Variants in KDM5C observed in about 807,000 individuals in gnomAD.
KDM5C encodes the protein lysine demethylase 5C, also known as lysine-specific demethylase 5C.
KDM5C carries 16 observed loss-of-function variants against 110.6 expected under a neutral mutation model. The observed-to-expected ratio is 0.14, with a 90% confidence interval of 0.10 to 0.22. KDM5C has a LOEUF of 0.22. Ranked by LOEUF, KDM5C falls within the 10% of genes least tolerant of loss-of-function variation. KDM5C has a pLI of 1.00. For synonymous variants in KDM5C, 511 were observed against 520.4 expected (o/e 0.98, Z 0.24); for missense variants, 681 against 1,300.9 (o/e 0.52, Z 7.33).
intron 17 of KDM5C, 35 bp from the exon 18 acceptor site, chrX:53,197,911 A>G (rs1035495946): frequency 1.3e-5 from 13 of 996,856 alleles, no homozygotes; most frequent in African/African-American, 3.8e-5. Context: ...TCAGGTCCAA[A>G]CTCAGTGCCT....
At chrX:53,218,496 A>G in intron 2 of KDM5C, 98 bp from the exon 3 acceptor site, 2 of 960,554 alleles carry the variant, frequency 2.1e-6, no homozygotes, top group Non-Finnish European at 3.0e-6. Context: ...ACAGCACTCC[A>G]CACTTTCACT....
chrX:53,185,221 T>C (rs1248091806), intron 25 of KDM5C, among the ~76,000 whole-genome samples: 1 of 111,981 alleles, frequency 8.9e-6, no homozygotes, highest in Admixed American at 9.5e-5. Flanking sequence ...ATTGTCTGAG[T>C]TCTGGCTAAT....
Position 53,192,869 on chromosome X carries a change from A to G in KDM5C, c.*98T>C. The G allele has an allele frequency of 1.1e-5, 2 of 179,877 alleles. No individual in the cohort carries two copies. Among genetic ancestry groups the G allele is most frequent in the Non-Finnish European group, 1.8e-5 (2 of 112,546 alleles). 14.8% of individuals were successfully genotyped at this position (179,877 alleles called of 1,213,427 possible). ...GGGTAGCAGGGATGGCCACCCCCCT[A>G]CCCGCCCACCCCCCAAGAAGCAGGC... On this transcript the variant is annotated 3_prime_UTR_variant, in exon 26 of 26. Transcript: ENST00000375401.
intron 7 of KDM5C, chrX:53,215,191 C>G (rs2073705293): frequency 1.3e-5 from 5 of 388,268 alleles, no homozygotes; most frequent in Non-Finnish European, 2.4e-5. Flanking sequence ...CCATAAAGGG[C>G]ACTGTGGGAG....
Position 53,192,881 on chromosome X carries a change from C to CCCCCCCCCA in KDM5C, c.*85_*86insTGGGGGGGG. On this transcript the variant is annotated 3_prime_UTR_variant, in exon 26 of 26. Transcript: ENST00000375401. ...TGGCCACCCCCCTACCCGCCCACCCCCCAAGAAGCAGGCTTGATGGTCAGA... is the reference window on the plus strand; with the variant it reads ...TGGCCACCCCCCTACCCGCCCACCCCCCCCCCCCACCAAGAAGCAGGCTTGATGGTCAGA... 2 of 1,054,399 alleles carry CCCCCCCCCA rather than the reference C, an allele frequency of 1.9e-6. No individual in the cohort carries two copies. Among genetic ancestry groups the CCCCCCCCCA allele is most frequent in the Non-Finnish European group, 1.2e-6 (1 of 802,794 alleles). 86.9% of individuals were successfully genotyped at this position (1,054,399 alleles called of 1,213,427 possible).
chrX:53,211,919 G>C lies in KDM5C; in HGVS notation c.1123-13C>G. 1.7e-6 allele frequency: 2 copies of C among 1,209,840 alleles called. No homozygotes were observed. The highest frequency in any genetic ancestry group is 2.2e-6 in the Non-Finnish European group (2 of 894,493). ...GCCGCTTACACTCCTGAAACCCAAA[G>C]GAGAACATGTCACCAAAACAGAGGC... On this transcript the variant is annotated splice_polypyrimidine_tract_variant and intron_variant, in intron 8 of 25. Coordinates refer to ENST00000375401, the MANE Select transcript of KDM5C (RefSeq NM_004187.5).
intron 2 of KDM5C, 195 bp from the exon 3 acceptor site, chrX:53,218,593 T>A (rs1035694109): frequency 7.8e-6 from 4 of 510,098 alleles, no homozygotes; most frequent in Non-Finnish European, 1.4e-5. Flanking sequence ...TTTTTGTTTT[T>A]TTGAGACGGT....
At chrX:53,209,176 T>C (rs2073481570) in intron 12 of KDM5C, among the ~76,000 whole-genome samples, 1 of 110,762 alleles carries the variant, frequency 9.0e-6, no homozygotes, top group African/African-American at 3.3e-5. Flanking sequence ...TGCTGTGCTA[T>C]GGGTCAGGAA....
intron 8 of KDM5C, chrX:53,214,274 A>T (rs1382989187): frequency 2.3e-5 from 3 of 131,661 alleles, no homozygotes; most frequent in African/African-American, 9.8e-5. Context: ...TTTCTAAAAA[A>T]GAAAAAAAAA....
intron 12 of KDM5C, among the ~76,000 whole-genome samples, chrX:53,206,863 CAAAAAAAAAA>C (rs58880985): frequency 1.3e-4 from 3 of 22,344 alleles, no homozygotes; most frequent in African/African-American, 4.7e-4. Context: ...GATTCCTTCT[CAAAAAAAAAA>C]AAAAAAAAAA....
chrX:53,209,692 C>T (rs1446424866), intron 12 of KDM5C, among the ~76,000 whole-genome samples: 1 of 111,484 alleles, frequency 9.0e-6, no homozygotes, highest in East Asian at 2.8e-4. Flanking sequence ...AGTGATCAGG[C>T]TGTTTTAAGA....
intron 7 of KDM5C, chrX:53,215,232 A>G: frequency 2.7e-6 from 1 of 363,836 alleles, no homozygotes; most frequent in Non-Finnish European, 5.2e-6. Context: ...AAGCAGCTGG[A>G]GATAAGGAGG....
At chrX:53,189,347 G>C (rs998567198), downstream of KDM5C, among the ~76,000 whole-genome samples, 1 of 112,158 alleles carries the variant, frequency 8.9e-6, no homozygotes, top group African/African-American at 3.2e-5. Flanking sequence ...GAAAATCCCA[G>C]CTCTGCCAGG....
At position 53,192,839 on chromosome X, in the gene KDM5C, TG is replaced by T; in HGVS notation, c.*127del. The T allele has an allele frequency of 1.1e-6, 1 of 879,034 alleles. No individual in the cohort carries two copies. The highest frequency in any genetic ancestry group is 1.5e-6 in the Non-Finnish European group (1 of 646,874). The allele number at this position is 879,034 out of a possible 1,213,427, so 72.4% of individuals were successfully genotyped here. On this transcript the variant is annotated 3_prime_UTR_variant, in exon 26 of 26. Coordinates refer to ENST00000375401, the MANE Select transcript of KDM5C (RefSeq NM_004187.5). Reference sequence around the variant, plus strand: ...ATACAAAAGTCAAGGGACTCAGGGGTGGGCGGGTAGCAGGGATGGCCACCCC... The same window carrying T: ...ATACAAAAGTCAAGGGACTCAGGGGTGGCGGGTAGCAGGGATGGCCACCCC...
rs782298685 is a variant in KDM5C at position 53,217,758 on chromosome X, G to A, written c.522+38C>T. 27 of 1,196,152 alleles carry A rather than the reference G, an allele frequency of 2.3e-5. No individual in the cohort carries two copies. The East Asian group carries it at 7.4e-4, about 33-fold the overall frequency. Reference sequence around the variant, plus strand: ...AGCAAGTGTGGAAATCTGTGCTGAAGGGTAAAGCCGCACCCTGCCCCACTG... The same window carrying A: ...AGCAAGTGTGGAAATCTGTGCTGAAAGGTAAAGCCGCACCCTGCCCCACTG... On this transcript the variant is annotated intron_variant, in intron 4 of 25. Transcript: ENST00000375401.
At chrX:53,199,503 A>G (rs781903777) in intron 14 of KDM5C, among the ~76,000 whole-genome samples, 30 of 111,905 alleles carry the variant, frequency 2.7e-4, no homozygotes, top group Non-Finnish European at 4.7e-4. Context: ...CAAGTGGCCA[A>G]GGGACAGGCC....
chrX:53,178,754 G>T (rs924443307), intron 25 of KDM5C, among the ~76,000 whole-genome samples: 1 of 112,559 alleles, frequency 8.9e-6, no homozygotes, highest in Admixed American at 9.4e-5. Context: ...ATCCATGAAA[G>T]AAATGATTGA....
Position 53,199,005 on chromosome X carries a change from T to G in KDM5C, c.2215A>C (p.Lys739Gln), listed in dbSNP as rs782756111. The G allele has an allele frequency of 3.3e-6, 4 of 1,211,934 alleles. No homozygotes were observed. Among genetic ancestry groups the G allele is most frequent in the Non-Finnish European group, 4.5e-6 (4 of 895,520 alleles). The change falls in exon 15 of 26, where the codon AAG (lysine) becomes CAG (glutamine). Residue 739 changes from lysine (K) to glutamine (Q), a missense_variant. Transcript: ENST00000375401. ...VCLSHINDLCKCSSSRQYLRY... is the reference protein window; with the variant it reads ...VCLSHINDLCQCSSSRQYLRY... The stretch of plus-strand genomic sequence containing the variant: ...AGGTACTGCCGGCTACTGGAGCACT[T>G]GCAGAGATCATTGATGTGGGAAAGG...
intron 12 of KDM5C, 68 bp downstream of exon 12, chrX:53,210,346 A>G (rs2146913540): frequency 8.6e-7 from 1 of 1,166,552 alleles, no homozygotes; most frequent in South Asian, 1.8e-5. Context: ...AACCACCGCC[A>G]CCACCACCAT....
Sources: gnomAD v4.1 joint callset for allele counts (sites outside exome capture counted in the v4.1 genomes callset) on GRCh38, gnomAD v4.1.1 for gene constraint, MANE v1.5 for transcripts, NCBI Gene and HGNC (gene_info 2026-07-23, HGNC 2026-07-21) for gene names.